CTTNBP2NL: variants seen among roughly 807,000 people sequenced by gnomAD.
CTTNBP2NL encodes CTTNBP2 N-terminal-like protein.
In CTTNBP2NL, 16 loss-of-function variants were observed where a neutral mutation model predicts 32.5. The observed-to-expected ratio is 0.49, with a 90% CI of 0.33 to 0.75. CTTNBP2NL has a LOEUF of 0.75. Ranked by LOEUF, CTTNBP2NL falls within the 30% of genes least tolerant of loss-of-function variation. The probability of loss-of-function intolerance (pLI) is 0.02; values close to 1 mark genes in which losing one functional copy is unlikely to be tolerated. For synonymous variants in CTTNBP2NL, 298 were observed against 289.4 expected (o/e 1.03, Z -0.30); for missense variants, 645 against 756.0 (o/e 0.85, Z 1.72).
chr1:112,415,777 G>C (rs943075394), intron 2 of CTTNBP2NL: 3 of 223,728 alleles, frequency 1.3e-5, no homozygotes, highest in South Asian at 1.2e-4. Flanking sequence ...GGATGGTCTC[G>C]ATCTCCTGAC....
Position 112,456,417 on chromosome 1 carries a change from T to G in CTTNBP2NL, c.925T>G (p.Ser309Ala). ...GTATEPLMLM[S>A]VFCQTESFPA... Reference sequence around the variant, plus strand: ...AGCAACTGAGCCTCTCATGCTAATGTCTGTGTTTTGCCAAACAGAGAGTTT... The same window carrying G: ...AGCAACTGAGCCTCTCATGCTAATGGCTGTGTTTTGCCAAACAGAGAGTTT... The change falls in exon 6 of 6, where the codon TCT becomes GCT. Residue 309 changes from serine (S) to alanine (A), a missense_variant. Transcript: ENST00000271277. 1 of 1,614,062 alleles carries G rather than the reference T, an allele frequency of 6.2e-7. No individual in the cohort carries two copies. Among genetic ancestry groups the G allele is most frequent in the Non-Finnish European group, 8.5e-7 (1 of 1,180,018 alleles).
rs182268067 is a variant in CTTNBP2NL, at chr1:112,398,177, C to T, written c.-134+1905C>T. On this transcript the variant is annotated intron_variant, in intron 1 of 5. Coordinates refer to ENST00000271277, the MANE Select transcript of CTTNBP2NL (RefSeq NM_018704.3). ...AACTAAGGTAAGAGACTAAGCAAAC[C>T]AAAGTTGTGATTGCCGAGGTTTAAT... Among the ~76,000 whole-genome samples, 3 of 152,240 alleles carry T rather than the reference C, an allele frequency of 2.0e-5. No individual in the cohort carries two copies. The East Asian group carries it at 5.8e-4, about 29-fold the overall frequency.
chr1:112,441,528 G>A (rs1374209731), intron 3 of CTTNBP2NL, among the ~76,000 whole-genome samples: 1 of 152,112 alleles, frequency 6.6e-6, no homozygotes, highest in African/African-American at 2.4e-5. Context: ...TAAAACTCTT[G>A]TAGAAATGTG....
chr1:112,402,399 C>CA (rs1288691594), intron 1 of CTTNBP2NL, among the ~76,000 whole-genome samples: 1 of 151,754 alleles, frequency 6.6e-6, no homozygotes, highest in Non-Finnish European at 1.5e-5. Flanking sequence ...GGCTGGGCAA[C>CA]AACAGTGAAA....
intron 3 of CTTNBP2NL, among the ~76,000 whole-genome samples, chr1:112,432,793 T>C (rs1434282823): frequency 6.6e-6 from 1 of 151,948 alleles, no homozygotes; most frequent in African/African-American, 2.4e-5. Context: ...GCCATCCTTC[T>C]AAGTTACCAC....
intron 3 of CTTNBP2NL, among the ~76,000 whole-genome samples, chr1:112,426,605 C>CTTTTTT (rs35801433): frequency 7.7e-6 from 1 of 129,600 alleles, no homozygotes; most frequent in Non-Finnish European, 1.7e-5. Flanking sequence ...TACGGCAAAA[C>CTTTTTT]TTTTTTTTTT....
chr1:112,392,326 T>TA (rs1452296515), upstream of CTTNBP2NL, among the ~76,000 whole-genome samples: 1 of 152,230 alleles, frequency 6.6e-6, no homozygotes, highest in Non-Finnish European at 1.5e-5. Context: ...AGATGTCATA[T>TA]AAAAAATTGC....
At chr1:112,433,251 TGG>T (rs1472165067) in intron 3 of CTTNBP2NL, among the ~76,000 whole-genome samples, 6 of 151,566 alleles carry the variant, frequency 4.0e-5, no homozygotes, top group Non-Finnish European at 7.4e-5. Flanking sequence ...CATTTTTGTG[TGG>T]GGGTGTGTGT....
chr1:112,428,159 G>C (rs911483957), intron 3 of CTTNBP2NL, among the ~76,000 whole-genome samples: 1 of 152,050 alleles, frequency 6.6e-6, no homozygotes, highest in Non-Finnish European at 1.5e-5. Flanking sequence ...TTTGTAGTTT[G>C]AGTGTTAATA....
At chr1:112,400,938 C>G (rs959052153) in intron 1 of CTTNBP2NL, among the ~76,000 whole-genome samples, 1 of 147,784 alleles carries the variant, frequency 6.8e-6, no homozygotes, top group Non-Finnish European at 1.5e-5. Flanking sequence ...TGCACTCCAG[C>G]CTGGGTGACA....
At chr1:112,441,568 A>G (rs1271308757) in intron 3 of CTTNBP2NL, among the ~76,000 whole-genome samples, 1 of 152,170 alleles carries the variant, frequency 6.6e-6, no homozygotes, top group Non-Finnish European at 1.5e-5. Flanking sequence ...AATATTTAAT[A>G]CTTACAAGTA....
intron 1 of CTTNBP2NL, among the ~76,000 whole-genome samples, chr1:112,409,054 G>A (rs573978883): frequency 8.6e-4 from 130 of 151,276 alleles, no homozygotes; most frequent in African/African-American, 2.8e-3. Flanking sequence ...CTTAAACTGC[G>A]GAGGCAGAGG....
At chr1:112,453,679 G>A (rs146011803) in intron 4 of CTTNBP2NL, among the ~76,000 whole-genome samples, 76 of 152,162 alleles carry the variant, frequency 5.0e-4, no homozygotes, top group African/African-American at 1.8e-3. Flanking sequence ...TCTTGAGCTC[G>A]GGAGGCCAAG....
chr1:112,395,660 G>A (rs535332424), upstream of CTTNBP2NL, among the ~76,000 whole-genome samples: 47 of 152,242 alleles, frequency 3.1e-4, 1 homozygote, highest in African/African-American at 9.6e-4. Context: ...GTTGAGAGAA[G>A]GGTGATCTCC....
intron 4 of CTTNBP2NL, among the ~76,000 whole-genome samples, chr1:112,451,800 CAAAA>C (rs1650228251): frequency 6.8e-6 from 1 of 147,098 alleles, no homozygotes; most frequent in Admixed American, 6.8e-5. Flanking sequence ...AACAAACAAA[CAAAA>C]AAACAGGCTT....
chr1:112,423,258 T>A (rs1649281832), intron 3 of CTTNBP2NL, among the ~76,000 whole-genome samples: 1 of 152,184 alleles, frequency 6.6e-6, no homozygotes, highest in Non-Finnish European at 1.5e-5. Context: ...CTGTGACTTA[T>A]TTCATTATCT....
intron 2 of CTTNBP2NL, among the ~76,000 whole-genome samples, chr1:112,413,298 A>G (rs950175590): frequency 2.0e-5 from 3 of 152,232 alleles, no homozygotes; most frequent in African/African-American, 4.8e-5. Context: ...CCCAATTGCA[A>G]AAGGGCAACT....
chr1:112,395,577 G>T (rs908907260), upstream of CTTNBP2NL, among the ~76,000 whole-genome samples: 15 of 152,226 alleles, frequency 9.9e-5, no homozygotes, highest in Admixed American at 1.3e-4. Context: ...GCAATTATTT[G>T]ACTTCCGCCT....
Position 112,456,538 on chromosome 1 carries a change from A to G in CTTNBP2NL, c.1046A>G (p.Asn349Ser), listed in dbSNP as rs373801757. 1.9e-6 allele frequency: 3 copies of G among 1,614,174 alleles called. No homozygotes were observed. Among genetic ancestry groups the G allele is most frequent in the Non-Finnish European group, 1.7e-6 (2 of 1,180,038 alleles). The change falls in exon 6 of 6, where the codon AAT (asparagine) becomes AGT (serine). Residue 349 changes from asparagine (N) to serine (S), a missense_variant. By Grantham distance (46) the Asn-to-Ser change is conservative. Coordinates refer to ENST00000271277, the MANE Select transcript of CTTNBP2NL (RefSeq NM_018704.3). ...ATPAYSYAKTNGHCDPEIQTT... is the reference protein window; with the variant it reads ...ATPAYSYAKTSGHCDPEIQTT... ...CCTGCTTACTCATATGCAAAAACCA[A>G]TGGCCATTGTGACCCAGAGATACAA... is the stretch of plus-strand genomic sequence containing the variant.
Sources: allele counts gnomAD v4.1 joint callset (sites outside exome capture counted in the v4.1 genomes callset), GRCh38; gene constraint gnomAD v4.1.1; transcripts MANE v1.5; gene names NCBI Gene and HGNC (gene_info 2026-07-23, HGNC 2026-07-21).